C10orf90: variants seen among roughly 807,000 people sequenced by gnomAD.
The protein encoded by C10orf90 is chromosome 10 open reading frame 90.
A neutral mutation model predicts 62.5 loss-of-function variants in C10orf90; 56 were observed. The observed-to-expected ratio is 0.90, with a 90% CI of 0.72 to 1.12. The LOEUF (loss-of-function observed/expected upper bound fraction) is 1.12, where lower values mean the gene tolerates loss of function less well. Ranked by LOEUF, C10orf90 falls within the 50% of genes most tolerant of loss-of-function variation. The pLI is 0.00. For missense variants in C10orf90, 970 were observed against 880.4 expected (o/e 1.10, Z -1.29); for synonymous variants, 386 against 340.4 (o/e 1.13, Z -1.47).
intron 3 of C10orf90, among the ~76,000 whole-genome samples, chr10:126,508,170 AGAG>A (rs1369817731): frequency 3.3e-4 from 50 of 151,648 alleles, no homozygotes; most frequent in Middle Eastern, 6.8e-3. Context: ...AGAGAGAGAG[AGAG>A]AGAGAGAGAG....
intron 4 of C10orf90, among the ~76,000 whole-genome samples, chr10:126,480,499 C>G (rs928166101): frequency 1.3e-5 from 2 of 152,238 alleles, no homozygotes; most frequent in African/African-American, 4.8e-5. Context: ...CCTCCATGTA[C>G]CATTTGGCCC....
chr10:126,464,626 G>A, intron 5 of C10orf90, 70 bp downstream of exon 5: 1 of 1,479,604 alleles, frequency 6.8e-7, no homozygotes, highest in African/African-American at 1.4e-5. Context: ...ACGAGGTCCA[G>A]GTAGGCAATC....
chr10:126,649,034 G>GTCTCTCTC lies in C10orf90; in HGVS notation c.241-2405_241-2398dup, dbSNP rs1196569277. ...GATATCTCTCTCTCTCTCTGTCTCT[G>GTCTCTCTC]TCTCTCTCTCTCTCTCTCTCTCTCT... is the stretch of plus-strand genomic sequence containing the variant. On this transcript the variant is annotated intron_variant, in intron 1 of 9. Coordinates refer to ENST00000488181, the MANE Select transcript of C10orf90 (RefSeq NM_001350921.2). Among the ~76,000 whole-genome samples the GTCTCTCTC allele has an allele frequency of 2.9e-3, 78 of 26,570 alleles. 2 individuals carry two copies. The highest frequency in any genetic ancestry group is 9.0e-3 in the East Asian group (8 of 884). The allele number at this position is 26,570 out of a possible 152,430, so 17.4% of individuals were successfully genotyped here.
At chr10:126,591,731 T>G (rs1358152143) in intron 2 of C10orf90, among the ~76,000 whole-genome samples, 1 of 152,010 alleles carries the variant, frequency 6.6e-6, no homozygotes, top group Non-Finnish European at 1.5e-5. Context: ...TAAAGAGTAT[T>G]TAAATAGGAA....
intron 1 of C10orf90, among the ~76,000 whole-genome samples, chr10:126,659,499 T>A (rs1846465477): frequency 6.6e-6 from 1 of 152,208 alleles, no homozygotes; most frequent in South Asian, 2.1e-4. Flanking sequence ...TTCTCCCATT[T>A]GTCTTCGGCC....
chr10:126,607,140 A>G (rs969702796), intron 2 of C10orf90, among the ~76,000 whole-genome samples: 1 of 152,166 alleles, frequency 6.6e-6, no homozygotes, highest in African/African-American at 2.4e-5. Context: ...GGGGCGCCCA[A>G]CTCTGCTATC....
intron 2 of C10orf90, among the ~76,000 whole-genome samples, chr10:126,621,588 G>A (rs1431728348): frequency 1.3e-5 from 2 of 152,162 alleles, no homozygotes; most frequent in East Asian, 1.9e-4. Context: ...TTTGTGCATG[G>A]AAAGAATTAA....
intron 2 of C10orf90, among the ~76,000 whole-genome samples, chr10:126,545,303 G>A (rs974900131): frequency 2.0e-5 from 3 of 152,120 alleles, no homozygotes; most frequent in South Asian, 2.1e-4. Context: ...TACAAGCCAC[G>A]ACTGGTTTTC....
intron 2 of C10orf90, among the ~76,000 whole-genome samples, chr10:126,537,346 G>A (rs1422547504): frequency 6.6e-6 from 1 of 152,170 alleles, no homozygotes; most frequent in Non-Finnish European, 1.5e-5. Flanking sequence ...TGAACAGGTG[G>A]AATGAGACAG....
chr10:126,668,874 C>G (rs1846688414), intron 1 of C10orf90, among the ~76,000 whole-genome samples: 2 of 152,116 alleles, frequency 1.3e-5, no homozygotes, highest in African/African-American at 4.8e-5. Context: ...TTTGTAACCT[C>G]CTAAAAAGGT....
intron 4 of C10orf90, among the ~76,000 whole-genome samples, chr10:126,471,244 A>G (rs1001644041): frequency 2.0e-5 from 3 of 152,216 alleles, no homozygotes; most frequent in Non-Finnish European, 4.4e-5. Context: ...CAACCTGAAA[A>G]TCAACCCGCA....
intron 4 of C10orf90, among the ~76,000 whole-genome samples, chr10:126,482,019 G>T (rs1032424478): frequency 4.7e-4 from 72 of 152,202 alleles, no homozygotes; most frequent in African/African-American, 1.7e-3. Context: ...TCCTTACTAG[G>T]TTTCCCCAGT....
intron 4 of C10orf90, among the ~76,000 whole-genome samples, chr10:126,503,354 T>TTGCTGC (rs1276749877): frequency 6.6e-6 from 1 of 152,132 alleles, no homozygotes; most frequent in Admixed American, 6.5e-5. Context: ...GGACAGAAAA[T>TTGCTGC]TGCTGCTGCT....
rs527600102 is a variant in C10orf90 at position 126,625,866 on chromosome 10, G to T, written c.313+20699C>A. On this transcript the variant is annotated intron_variant, in intron 2 of 9. Coordinates refer to ENST00000488181, the MANE Select transcript of C10orf90 (RefSeq NM_001350921.2). ...GCAGTGGCTCACGCCTGTAATCCTA[G>T]CACTTTGGGAAGCCGAGGTGGCAGG... Among the ~76,000 whole-genome samples, 19 of 152,244 alleles carry T rather than the reference G, an allele frequency of 1.2e-4. No homozygotes were observed. The East Asian group carries it at 3.7e-3, about 29-fold the overall frequency.
intron 2 of C10orf90, among the ~76,000 whole-genome samples, chr10:126,566,015 C>G (rs1282020916): frequency 6.6e-6 from 1 of 152,192 alleles, no homozygotes; most frequent in East Asian, 1.9e-4. Flanking sequence ...TTTCAGACTA[C>G]CCTATTGTCA....
At chr10:126,490,049 ATTATGT>A (rs2133833718) in intron 4 of C10orf90, among the ~76,000 whole-genome samples, 2 of 94,908 alleles carry the variant, frequency 2.1e-5, no homozygotes, top group East Asian at 5.5e-4. Context: ...TATATTATAT[ATTATGT>A]TATATAATAT....
At chr10:126,545,207 G>T (rs992643053) in intron 2 of C10orf90, among the ~76,000 whole-genome samples, 5 of 152,014 alleles carry the variant, frequency 3.3e-5, no homozygotes, top group Non-Finnish European at 5.9e-5. Flanking sequence ...CCGGAGCCAG[G>T]TCTCTGACCC....
At chr10:126,511,429 A>G (rs936287468) in intron 3 of C10orf90, among the ~76,000 whole-genome samples, 11 of 151,956 alleles carry the variant, frequency 7.2e-5, no homozygotes, top group Non-Finnish European at 1.2e-4. Context: ...TATTAAGTGC[A>G]TTCATAATGT....
At chr10:126,636,999 T>C (rs893299351) in intron 2 of C10orf90, among the ~76,000 whole-genome samples, 21 of 152,220 alleles carry the variant, frequency 1.4e-4, no homozygotes, top group South Asian at 4.2e-4. Context: ...TATTTTTCTC[T>C]TGGGGGGCGC....
Sources: allele counts gnomAD v4.1 joint callset (sites outside exome capture counted in the v4.1 genomes callset), GRCh38; gene constraint gnomAD v4.1.1; transcripts MANE v1.5; gene names NCBI Gene and HGNC (gene_info 2026-07-23, HGNC 2026-07-21).